Variants in SEC23A observed in about 807,000 individuals in gnomAD.
The protein encoded by SEC23A is protein transport protein Sec23A.
A neutral mutation model predicts 103.7 loss-of-function variants in SEC23A; 56 were observed. That is an observed-to-expected ratio of 0.54 (90% CI 0.44 to 0.67). SEC23A has a LOEUF of 0.67. SEC23A is among the 30% of genes least tolerant of loss of function. The probability of loss-of-function intolerance (pLI) is 0.00; values close to 1 mark genes in which losing one functional copy is unlikely to be tolerated. For synonymous variants in SEC23A, 281 were observed against 293.0 expected (o/e 0.96, Z 0.42); for missense variants, 784 against 936.4 (o/e 0.84, Z 2.12).
intron 3 of SEC23A, 171 bp from the exon 4 acceptor site, chr14:39,092,798 A>G (rs749047075): frequency 5.1e-6 from 3 of 583,348 alleles, no homozygotes; most frequent in Non-Finnish European, 9.1e-6. Flanking sequence ...CTACATGACT[A>G]GTATTTTGGC....
At chr14:39,065,896 G>T (rs1166378208) in intron 10 of SEC23A, among the ~76,000 whole-genome samples, 1 of 150,300 alleles carries the variant, frequency 6.7e-6, no homozygotes, top group Non-Finnish European at 1.5e-5. Context: ...TACTCGGGAG[G>T]GTGAGGCAGG....
rs367602833 is a variant in SEC23A, at chr14:39,085,778, G to A, written c.812C>T (p.Ala271Val). 3 of 1,612,408 alleles carry A rather than the reference G, an allele frequency of 1.9e-6. No homozygotes were observed. The highest frequency in any genetic ancestry group is 1.6e-4 in the Middle Eastern group (1 of 6,062). ...CTTCCCTACCTCCAGCAGTCCTACA[G>A]CTATGGAAAGTGCCACCCCAGAGGA... ...LRSSGVALSI[A>V]VGLLECTFPN... Residue 271 changes from alanine to valine, a missense_variant, in exon 7 of 20, where the codon GCT (alanine) becomes GTT (valine). By Grantham distance (64) the Ala-to-Val change is moderately conservative. This residue lies in a region of SEC23A where 683 missense variants were observed against 774.2 expected (regional missense o/e 0.88). Coordinates refer to ENST00000307712, the MANE Select transcript of SEC23A (RefSeq NM_006364.4).
intron 7 of SEC23A, among the ~76,000 whole-genome samples, chr14:39,083,338 C>CTG (rs1385518870): frequency 2.0e-5 from 3 of 152,062 alleles, no homozygotes; most frequent in African/African-American, 7.2e-5. Flanking sequence ...ATGCACCTAC[C>CTG]TGTGTCTCTC....
At chr14:39,045,066 T>C in intron 16 of SEC23A, 97 bp downstream of exon 16, 1 of 1,015,344 alleles carries the variant, frequency 9.8e-7, no homozygotes. Context: ...TAAATTCTTA[T>C]ATTTAGTAAC....
chr14:39,052,837 G>C (rs1012867608), intron 14 of SEC23A, among the ~76,000 whole-genome samples: 1 of 152,092 alleles, frequency 6.6e-6, no homozygotes, highest in East Asian at 1.9e-4. Flanking sequence ...AAAATGCTAG[G>C]ACAAGATGCT....
chr14:39,040,131 A>C (rs1166609672), intron 18 of SEC23A: 2 of 152,288 alleles, frequency 1.3e-5, no homozygotes, highest in Non-Finnish European at 2.9e-5. Context: ...ATTACAAAAG[A>C]GAAGTAAGAA....
At chr14:39,053,438 C>A (rs1886136398) in intron 14 of SEC23A, among the ~76,000 whole-genome samples, 1 of 151,600 alleles carries the variant, frequency 6.6e-6, no homozygotes, top group African/African-American at 2.4e-5. Context: ...AAAGATCCAC[C>A]TTGAAGGAAC....
At chr14:39,092,421 G>T in intron 4 of SEC23A, 120 bp downstream of exon 4, 1 of 709,594 alleles carries the variant, frequency 1.4e-6, no homozygotes, top group South Asian at 1.7e-5. Context: ...TCTTACCTTT[G>T]AAATGTTCCA....
chr14:39,049,813 A>G lies in SEC23A; in HGVS notation c.1660-1084T>C, dbSNP rs535790652. Among the ~76,000 whole-genome samples, 41 of 149,004 alleles carry G rather than the reference A, an allele frequency of 2.8e-4. No homozygotes were observed. In the South Asian group the frequency reaches 8.5e-3, roughly 31 times the overall value. ...AAAAAACAATTTTTTTTTTTTTGAG[A>G]CAAGAGTCTCGCTCTGTCACCCAGG... On this transcript the variant is annotated intron_variant, in intron 14 of 19. Coordinates refer to ENST00000307712, the MANE Select transcript of SEC23A (RefSeq NM_006364.4).
intron 9 of SEC23A, among the ~76,000 whole-genome samples, chr14:39,068,931 A>C (rs746768143): frequency 2.6e-5 from 4 of 152,226 alleles, no homozygotes; most frequent in Non-Finnish European, 5.9e-5. Context: ...ACATAAATTT[A>C]TAATTAAACT....
At chr14:39,061,429 T>C (rs1886473324) in intron 13 of SEC23A, among the ~76,000 whole-genome samples, 1 of 152,026 alleles carries the variant, frequency 6.6e-6, no homozygotes, top group Admixed American at 6.6e-5. Flanking sequence ...ATGTGATTAA[T>C]TACTGTGCTA....
At chr14:39,089,746 C>T (rs1298362594) in intron 5 of SEC23A, among the ~76,000 whole-genome samples, 2 of 152,216 alleles carry the variant, frequency 1.3e-5, no homozygotes, top group Non-Finnish European at 2.9e-5. Context: ...ATCCTGAGGT[C>T]AGGAGTTCAA....
intron 9 of SEC23A, among the ~76,000 whole-genome samples, chr14:39,071,371 C>T (rs181811643): frequency 3.3e-5 from 5 of 152,116 alleles, no homozygotes; most frequent in East Asian, 3.9e-4. Flanking sequence ...TAGGCCAAGA[C>T]GGGCAGATAA....
At chr14:39,076,634 C>CA (rs373101725) in intron 7 of SEC23A, among the ~76,000 whole-genome samples, 11 of 148,520 alleles carry the variant, frequency 7.4e-5, no homozygotes, top group South Asian at 6.4e-4. Flanking sequence ...CATAGAACAA[C>CA]AAAAAAAAAG....
chr14:39,048,759 A>G (rs779622972), intron 14 of SEC23A, 30 bp from the exon 15 acceptor site: 1 of 1,204,868 alleles, frequency 8.3e-7, no homozygotes, highest in Non-Finnish European at 1.2e-6. Context: ...TTAGTAATTT[A>G]TTTCCTGGAA....
intron 13 of SEC23A, among the ~76,000 whole-genome samples, chr14:39,056,250 C>T (rs1174162287): frequency 6.6e-6 from 1 of 152,144 alleles, no homozygotes; most frequent in South Asian, 2.1e-4. Flanking sequence ...GTTCTGAGTG[C>T]ACTCAATAAA....
intron 7 of SEC23A, among the ~76,000 whole-genome samples, chr14:39,079,044 T>C (rs1566503967): frequency 1.3e-5 from 2 of 152,068 alleles, no homozygotes; most frequent in African/African-American, 2.4e-5. Flanking sequence ...AGTGAAAAAA[T>C]AAGTTTCCTA....
chr14:39,045,986 A>G (rs986893459), intron 15 of SEC23A, among the ~76,000 whole-genome samples: 1 of 152,218 alleles, frequency 6.6e-6, no homozygotes, highest in Admixed American at 6.5e-5. Flanking sequence ...AGGGAACTGA[A>G]TCATGTCAGG....
At chr14:39,053,057 C>G (rs908686260) in intron 14 of SEC23A, among the ~76,000 whole-genome samples, 17 of 152,122 alleles carry the variant, frequency 1.1e-4, no homozygotes, top group Non-Finnish European at 1.2e-4. Context: ...ATCACGTGAA[C>G]CCAGGAGGCA....
Sources: gnomAD v4.1 joint callset for allele counts (sites outside exome capture counted in the v4.1 genomes callset) on GRCh38, gnomAD v4.1.1 for gene constraint, gnomAD v4.1.1 regional missense constraint, MANE v1.5 for transcripts, NCBI Gene and HGNC (gene_info 2026-07-23, HGNC 2026-07-21) for gene names.